Variants in SOX5 observed in about 807,000 individuals in gnomAD.
The protein encoded by SOX5 is transcription factor SOX-5.
A neutral mutation model predicts 92.0 loss-of-function variants in SOX5; 9 were observed. The observed-to-expected ratio is 0.10, with a 90% confidence interval of 0.06 to 0.17. SOX5 has a LOEUF of 0.17. Ranked by LOEUF, SOX5 falls within the 10% of genes least tolerant of loss-of-function variation. SOX5 has a pLI of 1.00. For synonymous variants in SOX5, 344 were observed against 336.3 expected (o/e 1.02, Z -0.25); for missense variants, 642 against 944.5 (o/e 0.68, Z 4.20).
intron 4 of SOX5, among the ~76,000 whole-genome samples, chr12:24,008,338 C>T (rs1455909783): frequency 1.3e-5 from 2 of 152,074 alleles, no homozygotes; most frequent in Admixed American, 6.6e-5. Flanking sequence ...CTTGACAGAA[C>T]CGACTATTAT....
At chr12:23,604,104 A>G in intron 9 of SOX5, 1 of 306,492 alleles carries the variant, frequency 3.3e-6, no homozygotes, top group Non-Finnish European at 6.3e-6. Context: ...CTACATAATC[A>G]GACTGTAAGC....
rs556075130 is a variant in SOX5 at position 23,848,012 on chromosome 12, A to T, written c.271-1819T>A. 2.0e-5 allele frequency among the ~76,000 whole-genome samples: 3 copies of T among 152,292 alleles called. No homozygotes were observed. In the South Asian group the frequency reaches 6.2e-4, roughly 32 times the overall value. ...AGGAATGTTTTTATGAATGGTCCAT[A>T]ACACACATTAGCTTAGTTTCATGTG... On this transcript the variant is annotated intron_variant, in intron 2 of 14. Coordinates refer to ENST00000451604, the MANE Select transcript of SOX5 (RefSeq NM_006940.6).
intron 3 of SOX5, among the ~76,000 whole-genome samples, chr12:24,238,758 A>C (rs1313945308): frequency 6.6e-6 from 1 of 152,174 alleles, no homozygotes. Flanking sequence ...TAGATCCTAC[A>C]TAGCTTACAT....
chr12:24,006,377 G>A (rs1236487427), intron 4 of SOX5, among the ~76,000 whole-genome samples: 1 of 152,068 alleles, frequency 6.6e-6, no homozygotes, highest in African/African-American at 2.4e-5. Flanking sequence ...TTACTTGTGG[G>A]GTTCCATTAT....
intron 2 of SOX5, among the ~76,000 whole-genome samples, chr12:23,886,298 G>C (rs960926428): frequency 1.3e-5 from 2 of 152,080 alleles, no homozygotes; most frequent in Non-Finnish European, 2.9e-5. Flanking sequence ...TTATTTTTAA[G>C]ACTTGACTTT....
chr12:23,945,637 C>T (rs1944468462), intron 1 of SOX5, among the ~76,000 whole-genome samples: 1 of 152,146 alleles, frequency 6.6e-6, no homozygotes, highest in African/African-American at 2.4e-5. Context: ...ACATTGTCTC[C>T]TCTACAATGT....
chr12:23,775,322 C>T (rs564532646), intron 3 of SOX5, among the ~76,000 whole-genome samples: 1 of 152,276 alleles, frequency 6.6e-6, no homozygotes, highest in Non-Finnish European at 1.5e-5. Context: ...AACATCATCT[C>T]CTCAGAGGAA....
chr12:24,193,637 T>C (rs148958447), intron 4 of SOX5, among the ~76,000 whole-genome samples: 12 of 152,328 alleles, frequency 7.9e-5, no homozygotes, highest in African/African-American at 2.9e-4. Context: ...TAATATTGAG[T>C]AATGAATTTG....
intron 9 of SOX5, among the ~76,000 whole-genome samples, chr12:23,600,279 G>C (rs1460093075): frequency 6.6e-6 from 1 of 151,814 alleles, no homozygotes; most frequent in Non-Finnish European, 1.5e-5. Context: ...ATAGCTGTTA[G>C]GACACACAAG....
chr12:23,690,582 T>C (rs1366578942), intron 6 of SOX5, among the ~76,000 whole-genome samples: 1 of 3,736 alleles, frequency 2.7e-4, no homozygotes, highest in Non-Finnish European at 0.015. Context: ...ATAAAATTTA[T>C]AACTTTTTTC....
intron 4 of SOX5, among the ~76,000 whole-genome samples, chr12:24,199,785 G>GACGTTTGCAAT (rs1957343868): frequency 6.6e-6 from 1 of 152,156 alleles, no homozygotes; most frequent in South Asian, 2.1e-4. Flanking sequence ...ATTATCAAAA[G>GACGTTTGCAAT]ACGTTTGCAA....
chr12:23,563,259 T>A lies in SOX5; in HGVS notation c.1487A>T (p.Lys496Met). 6 of 1,608,574 alleles carry A rather than the reference T, an allele frequency of 3.7e-6. No individual in the cohort carries two copies. The highest frequency in any genetic ancestry group is 5.1e-6 in the Non-Finnish European group (6 of 1,177,732). ...AAGTAAGTTATTTTATGAACTGACC[T>A]TTTCTGTTCGGCAGTTATTGAGACC... Reference protein sequence around the residue: ...SLGLNNCRTEKEKTTLESLTQ... With the variant: ...SLGLNNCRTEMEKTTLESLTQ... Residue 496 changes from lysine to methionine, a missense_variant and splice_region_variant, in exon 11 of 15, where the codon AAG becomes ATG. By Grantham distance (95) the Lys-to-Met change is moderately conservative. Transcript: ENST00000451604.
intron 1 of SOX5, among the ~76,000 whole-genome samples, chr12:24,512,856 A>C (rs935147305): frequency 1.3e-5 from 2 of 152,258 alleles, no homozygotes; most frequent in African/African-American, 2.4e-5. Flanking sequence ...CTTTTGTGTT[A>C]ACTTGATAGA....
intron 3 of SOX5, among the ~76,000 whole-genome samples, chr12:23,823,389 G>A (rs2096163178): frequency 6.6e-6 from 1 of 152,172 alleles, no homozygotes; most frequent in Admixed American, 6.5e-5. Context: ...AGTTTGGCTG[G>A]ATATGAAATT....
At chr12:24,032,383 CAT>C (rs1955600891) in intron 4 of SOX5, among the ~76,000 whole-genome samples, 1 of 151,716 alleles carries the variant, frequency 6.6e-6, no homozygotes, top group Admixed American at 6.6e-5. Flanking sequence ...TTCCTGAAAA[CAT>C]CAGTACCTTT....
At chr12:23,793,172 A>G (rs888135538) in intron 3 of SOX5, among the ~76,000 whole-genome samples, 1 of 152,222 alleles carries the variant, frequency 6.6e-6, no homozygotes, top group Non-Finnish European at 1.5e-5. Context: ...ATACATTTGT[A>G]TATTTTTCAT....
intron 1 of SOX5, among the ~76,000 whole-genome samples, chr12:24,471,857 GAA>G (rs537758108): frequency 2.1e-5 from 3 of 142,146 alleles, no homozygotes; most frequent in Non-Finnish European, 3.1e-5. Context: ...TTAGTCAGTT[GAA>G]AAAAAAAAAG....
intron 8 of SOX5, among the ~76,000 whole-genome samples, chr12:23,626,424 C>T (rs1466175528): frequency 1.3e-5 from 2 of 152,086 alleles, no homozygotes; most frequent in Non-Finnish European, 2.9e-5. Flanking sequence ...CTTCTTATTC[C>T]ATGGAGATGG....
chr12:24,286,757 G>C (rs144789935), intron 2 of SOX5, among the ~76,000 whole-genome samples: 1 of 152,262 alleles, frequency 6.6e-6, no homozygotes, highest in African/African-American at 2.4e-5. Flanking sequence ...TTTAAAATAA[G>C]CTATCCAGCA....
Sources: gnomAD v4.1 joint callset for allele counts (sites outside exome capture counted in the v4.1 genomes callset) on GRCh38, gnomAD v4.1.1 for gene constraint, MANE v1.5 for transcripts, NCBI Gene and HGNC (gene_info 2026-07-23, HGNC 2026-07-21) for gene names.